DDX39A: variants seen among roughly 807,000 people sequenced by gnomAD.
DDX39A encodes the protein DExD-box helicase 39A.
A neutral mutation model predicts 46.3 loss-of-function variants in DDX39A; 13 were observed. The observed-to-expected ratio is 0.28, with a 90% CI of 0.18 to 0.45. The LOEUF (loss-of-function observed/expected upper bound fraction) is 0.45. Among genes scored for constraint, DDX39A ranks in the 20% least tolerant of loss-of-function variants. The pLI is 1.00. For missense variants in DDX39A, 352 were observed against 581.8 expected, an observed-to-expected ratio of 0.61 and a Z score of 4.06; for synonymous variants, 234 against 224.6, an observed-to-expected ratio of 1.04 and a Z score of -0.38.
At position 14,411,184 on chromosome 19, in the gene DDX39A, A is replaced by G; in HGVS notation, c.430-12T>C. The G allele has an allele frequency of 6.4e-7, 1 of 1,563,832 alleles. No individual in the cohort carries two copies. The highest frequency in any genetic ancestry group is 8.7e-7 in the Non-Finnish European group (1 of 1,155,362). On this transcript the variant is annotated splice_polypyrimidine_tract_variant and intron_variant, in intron 4 of 10. Transcript: ENST00000242776. This position sits in a 1 kb window ranked among gnomAD's most constrained non-coding sequence, Gnocchi z 4.1. ...AAGAACACAGACACCTATGGGGATGAGGAGGAAACCGCTCCATGCTGATAC... is the reference window on the plus strand; with the variant it reads ...AAGAACACAGACACCTATGGGGATGGGGAGGAAACCGCTCCATGCTGATAC...
intron 1 of DDX39A, among the ~76,000 whole-genome samples, chr19:14,414,926 C>T (rs958883731): frequency 2.1e-5 from 3 of 140,990 alleles, no homozygotes; most frequent in Admixed American, 1.4e-4. Context: ...AATCACGCTT[C>T]ACTCCAGCCT....
At chr19:14,418,806 C>T (rs1976924995) in intron 1 of DDX39A, 5 of 410,118 alleles carry the variant, frequency 1.2e-5, no homozygotes, top group Middle Eastern at 3.5e-4. Flanking sequence ...ATCCCGAATC[C>T]CGTAAAAAGT....
At position 14,409,289 on chromosome 19, in the gene DDX39A, G is replaced by T. The variant is rs184015422; in HGVS notation, c.1119+14C>A. 3 of 1,614,152 alleles carry T rather than the reference G, an allele frequency of 1.9e-6. No individual in the cohort carries two copies. In the South Asian group the frequency reaches 3.3e-5, roughly 18 times the overall value. On this transcript the variant is annotated intron_variant, in intron 9 of 10. Coordinates refer to ENST00000242776, the MANE Select transcript of DDX39A (RefSeq NM_005804.4). The surrounding 1 kb of genome is among the most constrained non-coding windows in gnomAD (Gnocchi z 8.3). Reference sequence around the variant, plus strand: ...ACCGCCAGGGGAAAGCAACATGCCCGTGAGGCTGCTCACCCGGTGCAGGTA... The same window carrying T: ...ACCGCCAGGGGAAAGCAACATGCCCTTGAGGCTGCTCACCCGGTGCAGGTA...
At position 14,411,316 on chromosome 19, in the gene DDX39A, A is replaced by G; in HGVS notation, c.430-144T>C. ...CGGGGCTCCACTCAAAGGCAGCCCCAGGCTGGGACCTGCGCAGGCCCCTGG... is the reference window on the plus strand; with the variant it reads ...CGGGGCTCCACTCAAAGGCAGCCCCGGGCTGGGACCTGCGCAGGCCCCTGG... On this transcript the variant is annotated intron_variant, in intron 4 of 10. Transcript: ENST00000242776. This position sits in a 1 kb window ranked among gnomAD's most constrained non-coding sequence, Gnocchi z 4.1. The G allele has an allele frequency of 9.0e-7, 1 of 1,105,886 alleles. No homozygotes were observed. The highest frequency in any genetic ancestry group is 1.6e-5 in the African/African-American group (1 of 63,604). The allele number at this position is 1,105,886 out of a possible 1,614,324, so 68.5% of individuals were successfully genotyped here. A position where few individuals can be genotyped will look rare whatever the true frequency, so the allele number is the denominator to read the frequency against.
At position 14,409,458 on chromosome 19, in the gene DDX39A, G is replaced by C. The variant is rs1186104400; in HGVS notation, c.975-11C>G. 1.2e-6 allele frequency: 2 copies of C among 1,613,642 alleles called. No individual in the cohort carries two copies. Among genetic ancestry groups the C allele is most frequent in the African/African-American group, 1.3e-5 (1 of 74,954 alleles). On this transcript the variant is annotated splice_polypyrimidine_tract_variant and intron_variant, in intron 8 of 10. Coordinates refer to ENST00000242776, the MANE Select transcript of DDX39A (RefSeq NM_005804.4). This position sits in a 1 kb window ranked among gnomAD's most constrained non-coding sequence, Gnocchi z 8.3. ...TGATAGCGTGACAGGCTGGGGTGCA[G>C]GAGAAACAAGTGGAGGCCGTCAGAC...
At position 14,410,159 on chromosome 19, in the gene DDX39A, G is replaced by C. The variant is rs1420394725; in HGVS notation, c.732+57C>G. 1 of 1,527,536 alleles carries C rather than the reference G, an allele frequency of 6.5e-7. No homozygotes were observed. The highest frequency in any genetic ancestry group is 1.4e-5 in the African/African-American group (1 of 73,108). The allele number at this position is 1,527,536 out of a possible 1,614,324, so 94.6% of individuals were successfully genotyped here. A position where few individuals can be genotyped will look rare whatever the true frequency, so the allele number is the denominator to read the frequency against. On this transcript the variant is annotated intron_variant, in intron 6 of 10. Coordinates refer to ENST00000242776, the MANE Select transcript of DDX39A (RefSeq NM_005804.4). The surrounding 1 kb of genome is among the most constrained non-coding windows in gnomAD (Gnocchi z 4.3). ...CATGTGGGCCGTGCGGGTGTCCTGGGGCCCCAGGCTCCAGGCCCCTGGGGA... is the reference window on the plus strand; with the variant it reads ...CATGTGGGCCGTGCGGGTGTCCTGGCGCCCCAGGCTCCAGGCCCCTGGGGA...
chr19:14,409,004 C>T lies in DDX39A; in HGVS notation c.1267+33G>A, dbSNP rs1203365910. ...GAAGGGCCGGGGGAGGAACCCTCTGCCCCAGACCCCTGGCCCTGCCCAAGG... is the reference window on the plus strand; with the variant it reads ...GAAGGGCCGGGGGAGGAACCCTCTGTCCCAGACCCCTGGCCCTGCCCAAGG... On this transcript the variant is annotated intron_variant, in intron 10 of 10. Coordinates refer to ENST00000242776, the MANE Select transcript of DDX39A (RefSeq NM_005804.4). This position sits in a 1 kb window ranked among gnomAD's most constrained non-coding sequence, Gnocchi z 8.3. The T allele has an allele frequency of 7.4e-6, 12 of 1,613,708 alleles. No homozygotes were observed. Among genetic ancestry groups the T allele is most frequent in the East Asian group, 2.2e-5 (1 of 44,860 alleles).
rs538815771 is a variant in DDX39A at position 14,419,159 on chromosome 19, C to T, written c.-5+111G>A. On this transcript the variant is annotated intron_variant, in intron 1 of 10. Coordinates refer to ENST00000242776, the MANE Select transcript of DDX39A (RefSeq NM_005804.4). ...ACACCAACCGCCCCGCCCCCACCGT[C>T]TCGCGACCCTTTCTCCCCCTCCCCT... The T allele has an allele frequency of 1.5e-4, 52 of 351,414 alleles. 1 individual carries two copies. The highest frequency in any genetic ancestry group is 1.0e-3 in the Middle Eastern group (1 of 984). The allele number at this position is 351,414 out of a possible 1,614,324, so 21.8% of individuals were successfully genotyped here.
At position 14,412,755 on chromosome 19, in the gene DDX39A, C is replaced by T. The variant is rs1428362549; in HGVS notation, c.209-77G>A. The stretch of plus-strand genomic sequence containing the variant: ...AGGATCCTCACCAGTTGACCGGGGG[C>T]CCACAGTGAGGGCAATCAGAAGAGG... On this transcript the variant is annotated intron_variant, in intron 2 of 10. Coordinates refer to ENST00000242776, the MANE Select transcript of DDX39A (RefSeq NM_005804.4). The surrounding 1 kb of genome is among the most constrained non-coding windows in gnomAD (Gnocchi z 4.4). The T allele has an allele frequency of 1.3e-6, 2 of 1,530,432 alleles. No individual in the cohort carries two copies. Among genetic ancestry groups the T allele is most frequent in the Non-Finnish European group, 1.8e-6 (2 of 1,140,410 alleles). The allele number at this position is 1,530,432 out of a possible 1,614,324, so 94.8% of individuals were successfully genotyped here.
At chr19:14,418,605 T>C (rs1599302460) in intron 1 of DDX39A, among the ~76,000 whole-genome samples, 1 of 151,528 alleles carries the variant, frequency 6.6e-6, no homozygotes, top group African/African-American at 2.4e-5. Flanking sequence ...CCACAGGCGC[T>C]CGCCACCACG....
chr19:14,415,217 A>C (rs1206932151), intron 1 of DDX39A, among the ~76,000 whole-genome samples: 1 of 152,128 alleles, frequency 6.6e-6, no homozygotes, highest in East Asian at 1.9e-4. Flanking sequence ...ACATAAATGA[A>C]ATCTTATAAT....
rs1222650376 is a variant in DDX39A at position 14,412,234 on chromosome 19, T to C, written c.336+317A>G. 1.8e-5 allele frequency: 6 copies of C among 327,866 alleles called. No homozygotes were observed. The highest frequency in any genetic ancestry group is 3.4e-5 in the South Asian group (1 of 29,754). The allele number at this position is 327,866 out of a possible 1,614,324, so 20.3% of individuals were successfully genotyped here. A position where few individuals can be genotyped will look rare whatever the true frequency, so the allele number is the denominator to read the frequency against. On this transcript the variant is annotated intron_variant, in intron 3 of 10. Transcript: ENST00000242776. This position sits in a 1 kb window ranked among gnomAD's most constrained non-coding sequence, Gnocchi z 4.4. Reference sequence around the variant, plus strand: ...CACAGATGGACACTCTCTAGGTAAGTGGCACGGCAAAACAGCAACGATGCC... The same window carrying C: ...CACAGATGGACACTCTCTAGGTAAGCGGCACGGCAAAACAGCAACGATGCC...
Position 14,412,719 on chromosome 19 carries a change from C to A in DDX39A, c.209-41G>T. 6.4e-7 allele frequency: 1 copy of A among 1,570,984 alleles called. No homozygotes were observed. Among genetic ancestry groups the A allele is most frequent in the South Asian group, 1.2e-5 (1 of 86,684 alleles). ...AGCGTGAGGGACGAGAACCTGGATG[C>A]ACCCCCGTGCAGGATCCTCACCAGT... On this transcript the variant is annotated intron_variant, in intron 2 of 10. Coordinates refer to ENST00000242776, the MANE Select transcript of DDX39A (RefSeq NM_005804.4). The surrounding 1 kb of genome is among the most constrained non-coding windows in gnomAD (Gnocchi z 4.4).
chr19:14,414,165 C>T lies in DDX39A; in HGVS notation c.-4-941G>A, dbSNP rs8106601. On this transcript the variant is annotated intron_variant, in intron 1 of 10. Coordinates refer to ENST00000242776, the MANE Select transcript of DDX39A (RefSeq NM_005804.4). ...GAGGATCCTAGGCCACTTTTGGCCT[C>T]GCTGTCACTCATTCCCGGCTCAGAA... 1.0e-2 allele frequency among the ~76,000 whole-genome samples: 1,515 copies of T among 152,014 alleles called. 29 individuals are homozygous for T. The highest frequency in any genetic ancestry group is 0.034 in the African/African-American group (1,402 of 41,454).
In DDX39A at chr19:14,409,870, T is replaced by A. The variant is rs761623802; in HGVS notation, c.736A>T (p.Met246Leu). The A allele has an allele frequency of 6.2e-7, 1 of 1,609,414 alleles. No homozygotes were observed. The highest frequency in any genetic ancestry group is 1.1e-5 in the South Asian group (1 of 90,986). The change falls in exon 7 of 11, where the codon ATG (methionine) becomes TTG (leucine). Residue 246 changes from methionine to leucine, a missense_variant. Met to Leu is a conservative substitution (Grantham distance 15). Coordinates refer to ENST00000242776, the MANE Select transcript of DDX39A (RefSeq NM_005804.4). This position sits in a 1 kb window ranked among gnomAD's most constrained non-coding sequence, Gnocchi z 8.3. The stretch of plus-strand genomic sequence containing the variant: ...GTCTCGTCGTCCACAAACACCTCCA[T>A]GGGCTGTGTGGGAAGGGAGGTGGGA... ...PVCRKFMQDPMEVFVDDETKL... is the reference protein window; with the variant it reads ...PVCRKFMQDPLEVFVDDETKL...
intron 1 of DDX39A, among the ~76,000 whole-genome samples, chr19:14,414,761 C>G (rs935895391): frequency 6.6e-6 from 1 of 150,812 alleles, no homozygotes; most frequent in Admixed American, 6.6e-5. Context: ...GTCAGGAGTT[C>G]GAGACCAGCC....
chr19:14,410,812 A>G lies in DDX39A; in HGVS notation c.613+177T>C, dbSNP rs1041655358. The stretch of plus-strand genomic sequence containing the variant: ...GGGCTTGCTTGGGCCCCGTGGTCCC[A>G]TTCGGCTCGGGCTCAGAAACAGCAC... On this transcript the variant is annotated intron_variant, in intron 5 of 10. Transcript: ENST00000242776. The surrounding 1 kb of genome is among the most constrained non-coding windows in gnomAD (Gnocchi z 4.3). 16 of 615,616 alleles carry G rather than the reference A, an allele frequency of 2.6e-5. No individual in the cohort carries two copies. The highest frequency in any genetic ancestry group is 2.6e-4 in the African/African-American group (14 of 53,916). 38.1% of individuals were successfully genotyped at this position (615,616 alleles called of 1,614,324 possible). A position where few individuals can be genotyped will look rare whatever the true frequency, so the allele number is the denominator to read the frequency against.
Position 14,409,623 on chromosome 19 carries a change from A to C in DDX39A, c.887T>G (p.Val296Gly). Residue 296 changes from valine to glycine, a missense_variant, in exon 8 of 11, where the codon GTG (valine) becomes GGG (glycine). Physicochemically the swap from Val to Gly is moderately radical, Grantham distance 109. This residue lies in a region of DDX39A where 301 missense variants were observed against 469.9 expected (regional missense o/e 0.64). Transcript: ENST00000242776. The surrounding 1 kb of genome is among the most constrained non-coding windows in gnomAD (Gnocchi z 8.3). ...CTGGGCCAGGGCCATGCAGCGCTGC[A>C]CTGACTTGACGAAGATTATCACCTG... Reference protein sequence around the residue: ...FNQVIIFVKSVQRCMALAQLL... With the variant: ...FNQVIIFVKSGQRCMALAQLL... 2 of 1,611,192 alleles carry C rather than the reference A, an allele frequency of 1.2e-6. No homozygotes were observed. The highest frequency in any genetic ancestry group is 2.2e-5 in the East Asian group (1 of 44,830).
chr19:14,411,932 T>G lies in DDX39A; in HGVS notation c.337-334A>C, dbSNP rs1004242351. On this transcript the variant is annotated intron_variant, in intron 3 of 10. Coordinates refer to ENST00000242776, the MANE Select transcript of DDX39A (RefSeq NM_005804.4). The surrounding 1 kb of genome is among the most constrained non-coding windows in gnomAD (Gnocchi z 4.1). The stretch of plus-strand genomic sequence containing the variant: ...CTAAGGATTTCCTGAATCTCGGCAC[T>G]CGGGCGGCCCCGGTCTTCCCACCCG... 6.6e-6 allele frequency among the ~76,000 whole-genome samples: 1 copy of G among 152,118 alleles called. No homozygotes were observed. Among genetic ancestry groups the G allele is most frequent in the Non-Finnish European group, 1.5e-5 (1 of 68,022 alleles).
Sources: gnomAD v4.1 joint callset for allele counts (sites outside exome capture counted in the v4.1 genomes callset) on GRCh38, gnomAD v4.1.1 for gene constraint, gnomAD v4.1.1 regional missense constraint, Gnocchi (gnomAD v3.1) non-coding constraint, MANE v1.5 for transcripts, NCBI Gene and HGNC (gene_info 2026-07-23, HGNC 2026-07-21) for gene names.